The following HLCS variants were observed in gnomAD, a reference collection of about 807,000 sequenced individuals.
The protein encoded by HLCS is biotin--protein ligase.
Under a neutral mutation model 75.0 loss-of-function variants are expected in HLCS, and 53 were observed. That is an observed-to-expected ratio of 0.71 (90% CI 0.57 to 0.89). The LOEUF is 0.89. HLCS is among the 40% of genes least tolerant of loss of function. The probability of loss-of-function intolerance (pLI) is 0.00; values close to 1 mark genes in which losing one functional copy is unlikely to be tolerated. For synonymous variants in HLCS, 431 were observed against 428.6 expected (o/e 1.01, Z -0.07); for missense variants, 966 against 1,074.0 (o/e 0.90, Z 1.41).
rs2068608997 is a variant in HLCS, at chr21:36,966,668, T to TCGCCCGCC, written c.-31_-30insGGCGGGCG. 4.2e-6 allele frequency: 4 copies of TCGCCCGCC among 962,960 alleles called. No homozygotes were observed. Among genetic ancestry groups the TCGCCCGCC allele is most frequent in the African/African-American group, 1.8e-5 (1 of 55,800 alleles). 59.7% of individuals were successfully genotyped at this position (962,960 alleles called of 1,614,324 possible). ...GCGCCGCCGGCAGGGCGAGCCCGCC[T>TCGCCCGCC]TGCCCGCCCGCCCCAGCGCCCCAGG... On this transcript the variant is annotated 5_prime_UTR_variant, in exon 1 of 11. Transcript: ENST00000674895.
At chr21:36,933,569 A>G (rs1208591641) in intron 4 of HLCS, among the ~76,000 whole-genome samples, 1 of 151,694 alleles carries the variant, frequency 6.6e-6, no homozygotes, top group African/African-American at 2.4e-5. Flanking sequence ...AAAAAAAAAA[A>G]AAACAATCTG....
At chr21:36,930,529 GAGAC>G in intron 4 of HLCS, 96 bp from the exon 5 acceptor site, 1 of 1,063,720 alleles carries the variant, frequency 9.4e-7, no homozygotes, top group Non-Finnish European at 1.4e-6. Flanking sequence ...TTTAAATTTA[GAGAC>G]AGGATCTCAT....
rs188574075 is a variant in HLCS at position 36,838,234 on chromosome 21, C to T, written c.1892+58626G>A. Reference sequence around the variant, plus strand: ...TCCCTTGCCCTCTTGCCCTTCTGCCCTTCCTGCCACCAGGTAGCTGGTCAC... The same window carrying T: ...TCCCTTGCCCTCTTGCCCTTCTGCCTTTCCTGCCACCAGGTAGCTGGTCAC... On this transcript the variant is annotated intron_variant, in intron 6 of 10. Coordinates refer to ENST00000674895, the MANE Select transcript of HLCS (RefSeq NM_001352514.2). 3.5e-3 allele frequency among the ~76,000 whole-genome samples: 530 copies of T among 152,034 alleles called. 15 individuals are homozygous for T. The highest frequency in any genetic ancestry group is 0.025 in the Admixed American group (375 of 15,240).
chr21:36,846,040 T>C (rs1239081477), intron 6 of HLCS, among the ~76,000 whole-genome samples: 1 of 152,196 alleles, frequency 6.6e-6, no homozygotes, highest in Non-Finnish European at 1.5e-5. Context: ...TCTAGAGCTC[T>C]AAAAGTTGAT....
At chr21:36,976,472 T>C (rs2068941731) in intron 1 of HLCS, among the ~76,000 whole-genome samples, 1 of 152,082 alleles carries the variant, frequency 6.6e-6, no homozygotes, top group African/African-American at 2.4e-5. Flanking sequence ...CAATCCCAGC[T>C]ACTCGGGAGG....
intron 6 of HLCS, chr21:36,896,548 A>T (rs2065018029): frequency 2.4e-6 from 1 of 410,860 alleles, no homozygotes; most frequent in Non-Finnish European, 4.5e-6. Flanking sequence ...AACCTGAGCA[A>T]TAATGCCACC....
intron 6 of HLCS, among the ~76,000 whole-genome samples, chr21:36,840,051 A>AAT (rs2062562990): frequency 6.6e-6 from 1 of 152,236 alleles, no homozygotes; most frequent in Non-Finnish European, 1.5e-5. Context: ...CACTCATAAT[A>AAT]AAGGTTAAGG....
At chr21:36,967,772 T>C (rs910538626), upstream of HLCS, among the ~76,000 whole-genome samples, 2 of 152,320 alleles carry the variant, frequency 1.3e-5, no homozygotes, top group African/African-American at 4.8e-5. Flanking sequence ...CAGGCTGGAG[T>C]GCAGTGGTGC....
Position 36,966,426 on chromosome 21 carries a change from C to T in HLCS, c.195+18G>A. On this transcript the variant is annotated intron_variant, in intron 1 of 10. Coordinates refer to ENST00000674895, the MANE Select transcript of HLCS (RefSeq NM_001352514.2). ...CGGCTCGCGGGGCCCGGGTCGCCCG[C>T]CCGCCCGACCCGCCCACCTGGCTGT... The T allele has an allele frequency of 7.9e-5, 14 of 176,248 alleles. No homozygotes were observed. The highest frequency in any genetic ancestry group is 2.2e-4 in the South Asian group (1 of 4,622). 10.9% of individuals were successfully genotyped at this position (176,248 alleles called of 1,614,324 possible).
intron 6 of HLCS, among the ~76,000 whole-genome samples, chr21:36,800,417 G>A (rs1182235278): frequency 6.6e-6 from 1 of 152,166 alleles, no homozygotes; most frequent in Admixed American, 6.5e-5. Context: ...TCTCCATCAG[G>A]TATGGAACAG....
At chr21:36,955,162 T>C (rs1008815838) in intron 2 of HLCS, among the ~76,000 whole-genome samples, 1 of 152,214 alleles carries the variant, frequency 6.6e-6, no homozygotes, top group Non-Finnish European at 1.5e-5. Context: ...CACTGCTCCA[T>C]GCACGTTACT....
At chr21:36,764,125 G>A (rs959744795) in intron 8 of HLCS, among the ~76,000 whole-genome samples, 4 of 152,236 alleles carry the variant, frequency 2.6e-5, no homozygotes, top group African/African-American at 7.2e-5. Context: ...GCAGCTGGGC[G>A]TGGTGGCTCA....
intron 6 of HLCS, among the ~76,000 whole-genome samples, chr21:36,780,382 CT>C (rs916921455): frequency 2.6e-5 from 4 of 151,252 alleles, no homozygotes; most frequent in East Asian, 1.9e-4. Context: ...CCACGCCTGG[CT>C]TTTTTTTTGT....
At chr21:36,806,997 A>C (rs561207203) in intron 6 of HLCS, among the ~76,000 whole-genome samples, 13 of 152,186 alleles carry the variant, frequency 8.5e-5, no homozygotes, top group African/African-American at 2.9e-4. Context: ...AGTAGCTGCT[A>C]ATCTTTTGCC....
Position 36,754,206 on chromosome 21 carries a change from T to C in HLCS, c.*40A>G, listed in dbSNP as rs77014096. 41,922 of 1,601,814 alleles carry C rather than the reference T, an allele frequency of 0.026. 664 individuals carry two copies. The highest frequency in any genetic ancestry group is 0.051 in the Middle Eastern group (293 of 5,788). On this transcript the variant is annotated 3_prime_UTR_variant, in exon 11 of 11. Coordinates refer to ENST00000674895, the MANE Select transcript of HLCS (RefSeq NM_001352514.2). Reference sequence around the variant, plus strand: ...ACTCTAAATTAGATTTCCAGATGCATGGGCACGGACAGGCAGCCGCGTCTC... The same window carrying C: ...ACTCTAAATTAGATTTCCAGATGCACGGGCACGGACAGGCAGCCGCGTCTC...
At chr21:36,790,521 A>G (rs978271542) in intron 6 of HLCS, among the ~76,000 whole-genome samples, 4 of 152,202 alleles carry the variant, frequency 2.6e-5, no homozygotes, top group African/African-American at 9.6e-5. Flanking sequence ...AGTGGGACCT[A>G]TGGTGTTTCC....
At chr21:36,975,829 G>A (rs1398536516) in intron 1 of HLCS, among the ~76,000 whole-genome samples, 1 of 152,082 alleles carries the variant, frequency 6.6e-6, no homozygotes, top group East Asian at 1.9e-4. Flanking sequence ...TCCCTCATTG[G>A]CAGCCATTCA....
chr21:36,989,321 T>A lies in HLCS; in HGVS notation c.-393+837A>T, dbSNP rs2069293856. Among the ~76,000 whole-genome samples the A allele has an allele frequency of 3.5e-5, 5 of 142,814 alleles. No homozygotes were observed. In the South Asian group the frequency reaches 1.2e-3, roughly 33 times the overall value. 93.7% of individuals were successfully genotyped at this position (142,814 alleles called of 152,430 possible). A position where few individuals can be genotyped will look rare whatever the true frequency, so the allele number is the denominator to read the frequency against. ...CCACAGTGTCTGGCCCATCTTTTTT[T>A]TTTTTTTTTTTTTTTTTAATGAGAC... On this transcript the variant is annotated intron_variant, in intron 1 of 11. Transcript: ENST00000336648.
At chr21:36,931,810 T>C (rs1175128942) in intron 4 of HLCS, among the ~76,000 whole-genome samples, 1 of 152,112 alleles carries the variant, frequency 6.6e-6, no homozygotes, top group African/African-American at 2.4e-5. Flanking sequence ...TTGAATAATG[T>C]TGTTTCACTC....
Sources: gnomAD v4.1 joint callset for allele counts (sites outside exome capture counted in the v4.1 genomes callset) on GRCh38, gnomAD v4.1.1 for gene constraint, MANE v1.5 for transcripts, NCBI Gene and HGNC (gene_info 2026-07-23, HGNC 2026-07-21) for gene names.